SCTR: variants seen among roughly 807,000 people sequenced by gnomAD.
The protein encoded by SCTR is secretin receptor, also known as pancreatic secretin receptor.
A neutral mutation model predicts 60.8 loss-of-function variants in SCTR; 56 were observed. The ratio of observed to expected loss-of-function variants is 0.92; its 90% CI spans 0.74 to 1.15. SCTR has a LOEUF of 1.15. SCTR is among the 50% of genes most tolerant of loss of function. SCTR has a pLI of 0.00. For synonymous variants in SCTR, 202 were observed against 217.0 expected (o/e 0.93, Z 0.61); for missense variants, 562 against 550.4 (o/e 1.02, Z -0.21).
Position 119,494,505 on chromosome 2 carries a change from C to T in SCTR, c.116G>A (p.Trp39Ter), listed in dbSNP as rs1206807473. ...CTGCAGGCACTGGTCTTGCTCTTCC[C>T]ACAGCACTTGTAGCACGTCACATAG... ...PRLCDVLQVL[W>*]EEQDQCLQEL... The change falls in exon 2 of 13, where the codon TGG (tryptophan) becomes TAG (stop). Residue 39 changes from tryptophan (W) to a stop codon, truncating the protein, a stop_gained. Coordinates refer to ENST00000019103, the MANE Select transcript of SCTR (RefSeq NM_002980.3). LOFTEE classifies it high-confidence loss of function. 6.2e-7 allele frequency: 1 copy of T among 1,614,088 alleles called. No individual in the cohort carries two copies.
At chr2:119,461,125 G>GCC (rs1259456209) in intron 7 of SCTR, among the ~76,000 whole-genome samples, 2 of 152,228 alleles carry the variant, frequency 1.3e-5, no homozygotes, top group Admixed American at 6.5e-5. Context: ...CTCTCCTGAA[G>GCC]TTGGTGATCA....
intron 2 of SCTR, among the ~76,000 whole-genome samples, chr2:119,493,735 G>T (rs1030088146): frequency 6.7e-6 from 1 of 149,382 alleles, no homozygotes; most frequent in African/African-American, 2.4e-5. Context: ...TCTGCATCCC[G>T]GGTTCAAGCG....
intron 2 of SCTR, among the ~76,000 whole-genome samples, chr2:119,482,075 G>A (rs72834808): frequency 0.019 from 2,836 of 152,336 alleles, 39 homozygotes; most frequent in South Asian, 0.054. Context: ...AGGACATGGA[G>A]GGGATGAAAG....
intron 3 of SCTR, among the ~76,000 whole-genome samples, chr2:119,473,860 C>T (rs769107622): frequency 6.6e-6 from 1 of 152,296 alleles, no homozygotes; most frequent in Non-Finnish European, 1.5e-5. Flanking sequence ...GTGGGTACCC[C>T]GGAGAATCTG....
At chr2:119,521,885 C>T (rs1679296104) in intron 1 of SCTR, among the ~76,000 whole-genome samples, 1 of 152,132 alleles carries the variant, frequency 6.6e-6, no homozygotes. Flanking sequence ...TACAGGAGTT[C>T]TCAGCCAAGA....
In SCTR at chr2:119,514,739, G is replaced by A. The variant is rs140874222; in HGVS notation, c.72+9416C>T. Among the ~76,000 whole-genome samples the A allele has an allele frequency of 6.7e-4, 102 of 152,202 alleles. 1 individual carries two copies. The East Asian group carries it at 0.016, about 23-fold the overall frequency. On this transcript the variant is annotated intron_variant, in intron 1 of 12. Transcript: ENST00000019103. ...AAAAATACAAAAAAATCAGCCAAGC[G>A]TGGTGGCGCATGCCTGTAATCCCAG...
intron 3 of SCTR, 59 bp from the exon 4 acceptor site, chr2:119,473,615 G>A: frequency 9.6e-7 from 1 of 1,042,432 alleles, no homozygotes; most frequent in Non-Finnish European, 1.5e-6. Flanking sequence ...GATTTTCATA[G>A]TAACATCTAT....
chr2:119,516,221 A>G (rs1558884161), intron 1 of SCTR, among the ~76,000 whole-genome samples: 9 of 152,248 alleles, frequency 5.9e-5, no homozygotes. Context: ...TCTGGTCATA[A>G]ACCCAAAGGA....
At chr2:119,502,948 G>A (rs747732517) in intron 1 of SCTR, among the ~76,000 whole-genome samples, 30 of 151,296 alleles carry the variant, frequency 2.0e-4, no homozygotes, top group Non-Finnish European at 2.8e-4. Flanking sequence ...TCAGGAGATC[G>A]AGACCATCCT....
At chr2:119,494,325 G>C (rs1214866384) in intron 2 of SCTR, 103 bp downstream of exon 2, 3 of 1,322,056 alleles carry the variant, frequency 2.3e-6, no homozygotes, top group Non-Finnish European at 3.1e-6. Context: ...AGCTGGACCA[G>C]CCTCCCACAT....
intron 1 of SCTR, among the ~76,000 whole-genome samples, chr2:119,506,470 A>ATATTTATTTATT (rs76472643): frequency 1.3e-4 from 19 of 149,270 alleles, no homozygotes; most frequent in Middle Eastern, 7.1e-3. Context: ...TTATTTTATA[A>ATATTTATTTATT]TATTTATTTA....
At chr2:119,450,383 C>G (rs11684807) in intron 9 of SCTR, among the ~76,000 whole-genome samples, 139,710 of 152,194 alleles carry the variant, frequency 0.92, 64,319 homozygotes, top group East Asian at 1. Context: ...GGGCTGGGCT[C>G]TCCGAGTCCC....
intron 4 of SCTR, among the ~76,000 whole-genome samples, chr2:119,470,573 C>T (rs1436252716): frequency 6.6e-6 from 1 of 152,118 alleles, no homozygotes; most frequent in Non-Finnish European, 1.5e-5. Flanking sequence ...TTACATTTTC[C>T]TTTATGAAAT....
At chr2:119,445,356 T>G (rs562991137) in intron 11 of SCTR, among the ~76,000 whole-genome samples, 34 of 152,282 alleles carry the variant, frequency 2.2e-4, no homozygotes, top group African/African-American at 7.7e-4. Flanking sequence ...AGGAAAAGAA[T>G]CCTGGATTAA....
At chr2:119,506,957 G>A (rs1400124867) in intron 1 of SCTR, among the ~76,000 whole-genome samples, 2 of 152,160 alleles carry the variant, frequency 1.3e-5, no homozygotes, top group Non-Finnish European at 2.9e-5. Flanking sequence ...TATCATGATT[G>A]TAATCTTGTA....
At chr2:119,522,050 T>A (rs1484815397) in intron 1 of SCTR, among the ~76,000 whole-genome samples, 2 of 152,182 alleles carry the variant, frequency 1.3e-5, no homozygotes, top group African/African-American at 4.8e-5. Context: ...ATCGCAGCAC[T>A]TTGGGAGGCC....
At chr2:119,475,829 A>G (rs1233424559) in intron 3 of SCTR, among the ~76,000 whole-genome samples, 2 of 151,740 alleles carry the variant, frequency 1.3e-5, no homozygotes, top group African/African-American at 2.4e-5. Context: ...TCAGGTTGGG[A>G]AGCATGACCG....
intron 4 of SCTR, among the ~76,000 whole-genome samples, chr2:119,469,748 C>T (rs1363846489): frequency 1.3e-5 from 2 of 152,154 alleles, no homozygotes; most frequent in Non-Finnish European, 2.9e-5. Flanking sequence ...CCAGCCCAGC[C>T]TCCCAAAGTG....
At chr2:119,441,489 G>T (rs1682652320) in intron 12 of SCTR, 69 bp downstream of exon 12, 3 of 1,268,950 alleles carry the variant, frequency 2.4e-6, no homozygotes, top group Non-Finnish European at 3.4e-6. Context: ...CTCCCAGGTA[G>T]CTCCTTCTGA....
Sources: allele counts gnomAD v4.1 joint callset (sites outside exome capture counted in the v4.1 genomes callset), GRCh38; gene constraint gnomAD v4.1.1; transcripts MANE v1.5; gene names NCBI Gene and HGNC (gene_info 2026-07-23, HGNC 2026-07-21).